GTF3C2: variants seen among roughly 807,000 people sequenced by gnomAD.
GTF3C2 encodes general transcription factor IIIC subunit 2.
GTF3C2 carries 17 observed loss-of-function variants against 117.4 expected under a neutral mutation model. That is an observed-to-expected ratio of 0.14 (90% CI 0.10 to 0.22). GTF3C2 has a LOEUF of 0.22. Among genes scored for constraint, GTF3C2 ranks in the 10% least tolerant of loss-of-function variants. The probability of loss-of-function intolerance (pLI) is 1.00; values close to 1 mark genes in which losing one functional copy is unlikely to be tolerated. For synonymous variants in GTF3C2, 437 were observed against 427.0 expected, an observed-to-expected ratio of 1.02 and a Z score of -0.29; for missense variants, 888 against 1,143.6, an observed-to-expected ratio of 0.78 and a Z score of 3.22.
intron 4 of GTF3C2, among the ~76,000 whole-genome samples, chr2:27,338,455 C>T (rs113462912): frequency 7.2e-5 from 4 of 55,798 alleles, no homozygotes; most frequent in Admixed American, 2.0e-4. Flanking sequence ...CGCACGCGCA[C>T]GCGCGCACAC....
chr2:27,341,590 T>C, intron 4 of GTF3C2: 1 of 187,598 alleles, frequency 5.3e-6, no homozygotes, highest in Non-Finnish European at 1.1e-5. Context: ...CATTCCTCTG[T>C]GAAGCCTAGG....
chr2:27,331,270 G>GT (rs1680263134), intron 12 of GTF3C2, among the ~76,000 whole-genome samples: 1 of 152,200 alleles, frequency 6.6e-6, no homozygotes, highest in Non-Finnish European at 1.5e-5. Flanking sequence ...AAAAAGACGT[G>GT]TAAGAGTGCT....
rs2148287651 is a variant in GTF3C2 at position 27,338,204 on chromosome 2, C to T, written c.856-184G>A. 3 of 589,956 alleles carry T rather than the reference C, an allele frequency of 5.1e-6. No homozygotes were observed. In the East Asian group the frequency reaches 8.6e-5, roughly 17 times the overall value. The allele number at this position is 589,956 out of a possible 1,614,324, so 36.5% of individuals were successfully genotyped here. A position where few individuals can be genotyped will look rare whatever the true frequency, so the allele number is the denominator to read the frequency against. ...AATGACTTCTTCACCTTCTGCTCTA[C>T]TCCTCCATCGAAAATGCAAAATCTG... On this transcript the variant is annotated intron_variant, in intron 4 of 18. Coordinates refer to ENST00000264720, the Ensembl canonical transcript of GTF3C2.
intron 16 of GTF3C2, 119 bp from the exon 17 acceptor site, chr2:27,328,308 C>T: frequency 9.9e-7 from 1 of 1,009,490 alleles, no homozygotes; most frequent in Non-Finnish European, 1.5e-6. Flanking sequence ...TAAATATATG[C>T]TCAGATGCAG....
intron 1 of GTF3C2, among the ~76,000 whole-genome samples, chr2:27,351,449 T>C (rs574393965): frequency 6.6e-6 from 1 of 152,038 alleles, no homozygotes; most frequent in South Asian, 2.1e-4. Flanking sequence ...AAACATATGC[T>C]ATGATGGGAA....
rs770212777 is a variant in GTF3C2, at chr2:27,327,169, G to T, written c.2517+8C>A. ...TGAGAGTGGAGGGTGGAGAGGATGAGAGACTACCTTATGAATAGCCTCCAG... is the reference window on the plus strand; with the variant it reads ...TGAGAGTGGAGGGTGGAGAGGATGATAGACTACCTTATGAATAGCCTCCAG... On this transcript the variant is annotated splice_region_variant and intron_variant, in intron 18 of 18. Transcript: ENST00000264720. The T allele has an allele frequency of 6.9e-7, 1 of 1,457,204 alleles. No individual in the cohort carries two copies. The highest frequency in any genetic ancestry group is 9.6e-7 in the Non-Finnish European group (1 of 1,038,960). The allele number at this position is 1,457,204 out of a possible 1,614,324, so 90.3% of individuals were successfully genotyped here.
chr2:27,356,653 G>A (rs557100155), intron 1 of GTF3C2, 86 bp downstream of exon 1: 2 of 157,348 alleles, frequency 1.3e-5, no homozygotes, highest in South Asian at 3.6e-4. Context: ...CCAGGAGTTT[G>A]TTCCCAATAT....
At chr2:27,332,342 T>A (rs1680302721) in intron 12 of GTF3C2, among the ~76,000 whole-genome samples, 1 of 151,446 alleles carries the variant, frequency 6.6e-6, no homozygotes, top group Non-Finnish European at 1.5e-5. Flanking sequence ...TTTCCTCTAA[T>A]CTTTCTATTT....
intron 4 of GTF3C2, among the ~76,000 whole-genome samples, chr2:27,338,452 G>GCA (rs1558617632): frequency 1.8e-5 from 1 of 57,128 alleles, no homozygotes; most frequent in Non-Finnish European, 3.9e-5. Flanking sequence ...GCGCGCACGC[G>GCA]CACGCGCGCA....
chr2:27,337,662 C>A, intron 5 of GTF3C2, 104 bp from the exon 6 acceptor site: 1 of 842,164 alleles, frequency 1.2e-6, no homozygotes. Flanking sequence ...CTGTGCTCCC[C>A]AATATGCCAG....
intron 1 of GTF3C2, among the ~76,000 whole-genome samples, chr2:27,355,625 G>A (rs1681342256): frequency 6.6e-6 from 1 of 152,130 alleles, no homozygotes; most frequent in South Asian, 2.1e-4. Flanking sequence ...TTCGTACTGA[G>A]TTTCTAAAAC....
Position 27,329,561 on chromosome 2 carries a change from G to A in GTF3C2, c.1733-38C>T, listed in dbSNP as rs544832548. On this transcript the variant is annotated intron_variant, in intron 12 of 18. Transcript: ENST00000264720. This position sits in a 1 kb window ranked among gnomAD's most constrained non-coding sequence, Gnocchi z 4.5. Reference sequence around the variant, plus strand: ...CAGAATGTGTGAGCATTAAAAGCAAGTTCTCTCTTCCTTGCTCTAATTTCT... The same window carrying A: ...CAGAATGTGTGAGCATTAAAAGCAAATTCTCTCTTCCTTGCTCTAATTTCT... 2.5e-6 allele frequency: 4 copies of A among 1,607,222 alleles called. No individual in the cohort carries two copies. Among genetic ancestry groups the A allele is most frequent in the Middle Eastern group, 3.3e-4 (2 of 5,998 alleles).
At chr2:27,343,247 TC>T in intron 2 of GTF3C2, 60 bp downstream of exon 2, 1 of 1,562,522 alleles carries the variant, frequency 6.4e-7, no homozygotes. Context: ...ATGAGCTCAA[TC>T]TGCTCTTTCA....
At chr2:27,352,691 T>A (rs1681176126) in intron 1 of GTF3C2, among the ~76,000 whole-genome samples, 1 of 152,196 alleles carries the variant, frequency 6.6e-6, no homozygotes, top group Non-Finnish European at 1.5e-5. Flanking sequence ...AAAAAAAGTT[T>A]AAGATATAAA....
Position 27,329,116 on chromosome 2 carries a change from C to T in GTF3C2, c.2039+5G>A. ...CCTAGAGGTCCTATCTCCATCTTGC[C>T]GTACGAGGCATAGCAGTTGTCCTGA... On this transcript the variant is annotated splice_donor_5th_base_variant and intron_variant, in intron 14 of 18. Transcript: ENST00000264720. This position sits in a 1 kb window ranked among gnomAD's most constrained non-coding sequence, Gnocchi z 4.5. The T allele has an allele frequency of 6.2e-7, 1 of 1,613,902 alleles. No individual in the cohort carries two copies. The highest frequency in any genetic ancestry group is 8.5e-7 in the Non-Finnish European group (1 of 1,179,854).
Position 27,346,295 on chromosome 2 carries a change from A to AT in GTF3C2, c.-24-2718dup, listed in dbSNP as rs541589027. Among the ~76,000 whole-genome samples the AT allele has an allele frequency of 9.5e-5, 12 of 126,972 alleles. No individual in the cohort carries two copies. In the East Asian group the frequency reaches 3.4e-3, roughly 36 times the overall value. 83.3% of individuals were successfully genotyped at this position (126,972 alleles called of 152,430 possible). A position where few individuals can be genotyped will look rare whatever the true frequency, so the allele number is the denominator to read the frequency against. Reference sequence around the variant, plus strand: ...CACCTCGGTCTCCCAAAATGTTGGGATTATAGGTGTTAGCCACCGTGCCCA... The same window carrying AT: ...CACCTCGGTCTCCCAAAATGTTGGGATTTATAGGTGTTAGCCACCGTGCCCA... On this transcript the variant is annotated intron_variant, in intron 1 of 18. Coordinates refer to ENST00000264720, the Ensembl canonical transcript of GTF3C2.
At chr2:27,326,663 T>TG in exon 19 of GTF3C2, 2 of 1,596,168 alleles carry the variant, frequency 1.3e-6, no homozygotes, top group Non-Finnish European at 1.7e-6. Flanking sequence ...AAGGATCTGG[T>TG]GTGGGCCAAG....
chr2:27,332,735 G>C (rs1680323103), intron 12 of GTF3C2, among the ~76,000 whole-genome samples: 1 of 145,986 alleles, frequency 6.8e-6, no homozygotes, highest in South Asian at 2.2e-4. Context: ...TTATTTTTTT[G>C]AGATGGAGTC....
At chr2:27,328,744 T>C in intron 15 of GTF3C2, 100 bp downstream of exon 15, 10 of 1,066,758 alleles carry the variant, frequency 9.4e-6, no homozygotes, top group Non-Finnish European at 2.9e-6. Flanking sequence ...AACATCCCTA[T>C]CTTCTCCTTC....
Sources: gnomAD v4.1 joint callset for allele counts (sites outside exome capture counted in the v4.1 genomes callset) on GRCh38, gnomAD v4.1.1 for gene constraint, Gnocchi (gnomAD v3.1) non-coding constraint, MANE v1.5 for transcripts, NCBI Gene and HGNC (gene_info 2026-07-23, HGNC 2026-07-21) for gene names.